Variants in ATP11A observed in about 807,000 individuals in gnomAD.
ATP11A encodes ATPase phospholipid transporting 11A.
Under a neutral mutation model 154.4 loss-of-function variants are expected in ATP11A, and 81 were observed. That is an observed-to-expected ratio of 0.52 (90% confidence interval 0.44 to 0.63). The LOEUF (loss-of-function observed/expected upper bound fraction) is 0.63. Among genes scored for constraint, ATP11A ranks in the 30% least tolerant of loss-of-function variants. ATP11A has a pLI of 0.00. For missense variants in ATP11A, 1,316 were observed against 1,474.3 expected (o/e 0.89, Z 1.76); for synonymous variants, 623 against 585.9 (o/e 1.06, Z -0.91).
chr13:112,857,134 A>G (rs1014488103), intron 20 of ATP11A, among the ~76,000 whole-genome samples: 3 of 152,214 alleles, frequency 2.0e-5, no homozygotes, highest in Admixed American at 6.5e-5. Context: ...CATTTCATAC[A>G]AATTAACTTG....
Position 112,690,462 on chromosome 13 carries a change from G to A in ATP11A, c.39+7G>A. 2 of 1,346,722 alleles carry A rather than the reference G, an allele frequency of 1.5e-6. No homozygotes were observed. Among genetic ancestry groups the A allele is most frequent in the Non-Finnish European group, 1.9e-6 (2 of 1,046,752 alleles). The allele number at this position is 1,346,722 out of a possible 1,614,324, so 83.4% of individuals were successfully genotyped here. On this transcript the variant is annotated splice_region_variant and intron_variant, in intron 1 of 29. Coordinates refer to ENST00000375645, the MANE Select transcript of ATP11A (RefSeq NM_015205.3). The surrounding 1 kb of genome is among the most constrained non-coding windows in gnomAD (Gnocchi z 5.6). ...GACGCTCGTGCACAGATACGTGAGT[G>A]CTCCCGGCGCGGGCTGGGGGACCCG...
chr13:112,783,089 TTTA>T (rs1253144872), intron 1 of ATP11A, among the ~76,000 whole-genome samples: 2 of 152,222 alleles, frequency 1.3e-5, no homozygotes, highest in Non-Finnish European at 2.9e-5. Flanking sequence ...ACCGATGGAA[TTTA>T]TTAAAGCAAA....
In ATP11A at chr13:112,705,022, G is replaced by A. The variant is rs99126; in HGVS notation, c.39+14567G>A. 1.8e-3 allele frequency among the ~76,000 whole-genome samples: 281 copies of A among 152,224 alleles called. 1 individual carries two copies. Among genetic ancestry groups the A allele is most frequent in the African/African-American group, 5.1e-3 (211 of 41,514 alleles). ...AAATGCCTCACAAACGTGGAATAACGGGCATCTCCTTTTCTCTCTAGAAAG... is the reference window on the plus strand; with the variant it reads ...AAATGCCTCACAAACGTGGAATAACAGGCATCTCCTTTTCTCTCTAGAAAG... On this transcript the variant is annotated intron_variant, in intron 1 of 29. Transcript: ENST00000375645.
At chr13:112,878,072 C>G in intron 28 of ATP11A, 145 bp from the exon 29 acceptor site, 1 of 737,568 alleles carries the variant, frequency 1.4e-6, no homozygotes, top group Non-Finnish European at 2.3e-6. Context: ...AGAACTTGCA[C>G]GTGGTGGCGA....
At chr13:112,787,216 G>A (rs1196803904) in intron 2 of ATP11A, among the ~76,000 whole-genome samples, 5 of 140,424 alleles carry the variant, frequency 3.6e-5, no homozygotes, top group East Asian at 2.1e-4. Flanking sequence ...GTGTCCTGAT[G>A]TGTAGACCCC....
At chr13:112,769,998 A>G (rs2077188886) in intron 1 of ATP11A, among the ~76,000 whole-genome samples, 1 of 152,222 alleles carries the variant, frequency 6.6e-6, no homozygotes, top group Non-Finnish European at 1.5e-5. Context: ...CTCCTGCTGC[A>G]TTTCATGAGT....
chr13:112,779,852 C>T (rs1350474094), intron 1 of ATP11A, among the ~76,000 whole-genome samples: 2 of 151,534 alleles, frequency 1.3e-5, no homozygotes, highest in Admixed American at 6.6e-5. Context: ...TGCAGTGAGC[C>T]GAGATTTTGC....
intron 1 of ATP11A, among the ~76,000 whole-genome samples, chr13:112,762,854 G>A (rs767639396): frequency 6.6e-6 from 1 of 152,234 alleles, no homozygotes. Context: ...ACTCAGTCAC[G>A]TGTGTGCCGG....
At chr13:112,844,825 G>A (rs945385466) in intron 17 of ATP11A, among the ~76,000 whole-genome samples, 1 of 66,144 alleles carries the variant, frequency 1.5e-5, no homozygotes, top group Non-Finnish European at 2.8e-5. Context: ...CCAGTTGCCG[G>A]GTGTTAGTGG....
At chr13:112,844,978 G>C (rs2079542317) in intron 17 of ATP11A, among the ~76,000 whole-genome samples, 1 of 149,984 alleles carries the variant, frequency 6.7e-6, no homozygotes, top group Admixed American at 6.6e-5. Flanking sequence ...CAAGTGCCAG[G>C]TATCAGTGGT....
chr13:112,862,118 G>A (rs756146530), intron 24 of ATP11A, among the ~76,000 whole-genome samples: 39 of 152,220 alleles, frequency 2.6e-4, no homozygotes, highest in Admixed American at 5.2e-4. Context: ...CTCGGTGAAC[G>A]TCAGGGGTGT....
At chr13:112,719,156 G>A (rs757342410) in intron 1 of ATP11A, among the ~76,000 whole-genome samples, 17 of 151,938 alleles carry the variant, frequency 1.1e-4, no homozygotes, top group South Asian at 4.2e-4. Flanking sequence ...GCCCTGTGAC[G>A]CGCAGGTGTG....
At chr13:112,789,732 T>A (rs2077786514) in intron 2 of ATP11A, among the ~76,000 whole-genome samples, 1 of 151,680 alleles carries the variant, frequency 6.6e-6, no homozygotes, top group South Asian at 2.1e-4. Flanking sequence ...CCGGGTGTCC[T>A]GATGTGTAGA....
intron 20 of ATP11A, among the ~76,000 whole-genome samples, chr13:112,857,137 T>C (rs1477736987): frequency 1.3e-5 from 2 of 152,230 alleles, no homozygotes; most frequent in East Asian, 3.8e-4. Flanking sequence ...TTCATACAAA[T>C]TAACTTGTGT....
chr13:112,858,931 C>T (rs890534399), intron 22 of ATP11A: 5 of 223,610 alleles, frequency 2.2e-5, no homozygotes, highest in South Asian at 6.7e-5. Flanking sequence ...CAGGACCATC[C>T]GCAGACTCTG....
At chr13:112,702,636 A>G (rs983878683) in intron 1 of ATP11A, among the ~76,000 whole-genome samples, 2 of 152,242 alleles carry the variant, frequency 1.3e-5, no homozygotes, top group African/African-American at 4.8e-5. Context: ...AGACAGGCGC[A>G]TCTCTCAGGG....
intron 9 of ATP11A, among the ~76,000 whole-genome samples, chr13:112,823,610 T>G (rs905617543): frequency 2.0e-5 from 3 of 152,226 alleles, no homozygotes; most frequent in Non-Finnish European, 4.4e-5. Flanking sequence ...AGAATACGGC[T>G]TACGGATTAA....
At chr13:112,748,089 G>C (rs1224715234) in intron 1 of ATP11A, among the ~76,000 whole-genome samples, 1 of 152,250 alleles carries the variant, frequency 6.6e-6, no homozygotes, top group Non-Finnish European at 1.5e-5. Context: ...ATCAGGCTGT[G>C]TGTATGAGGT....
chr13:112,828,483 T>C (rs1235855725), intron 12 of ATP11A, among the ~76,000 whole-genome samples: 1 of 133,610 alleles, frequency 7.5e-6, no homozygotes, highest in Non-Finnish European at 1.6e-5. Context: ...AAGTGTTGAG[T>C]ATGGAGGAAA....
Sources: gnomAD v4.1 joint callset for allele counts (sites outside exome capture counted in the v4.1 genomes callset) on GRCh38, gnomAD v4.1.1 for gene constraint, Gnocchi (gnomAD v3.1) non-coding constraint, MANE v1.5 for transcripts, NCBI Gene and HGNC (gene_info 2026-07-23, HGNC 2026-07-21) for gene names.